The following BBS1 variants were observed in gnomAD, a reference collection of about 807,000 sequenced individuals.
BBS1 encodes the protein BBSome complex member BBS1.
BBS1 carries 60 observed loss-of-function variants against 73.9 expected under a neutral mutation model. The ratio of observed to expected loss-of-function variants is 0.81; its 90% CI spans 0.66 to 1.01. The LOEUF is 1.01. Among genes scored for constraint, BBS1 ranks in the 50% least tolerant of loss-of-function variants. BBS1 has a pLI of 0.00. For missense variants in BBS1, 718 were observed against 770.3 expected (o/e 0.93, Z 0.80); for synonymous variants, 283 against 317.4 (o/e 0.89, Z 1.15).
chr11:66,524,903 A>G (rs936082866), intron 11 of BBS1, among the ~76,000 whole-genome samples: 5 of 152,048 alleles, frequency 3.3e-5, no homozygotes, highest in Admixed American at 2.0e-4. Context: ...AAAAATAAAC[A>G]AATTAGCCGG....
rs1167767003 is a variant in BBS1 at position 66,529,859 on chromosome 11, C to A, written c.1380C>A (p.Arg460=). ...RAFQTDLYLL[R]LRAARAYLQA... ...TCCAGACAGACCTATACCTGCTGCG[C>A]CTACGTGCTGCCCGCGCCTACCTGC... The change falls in exon 14 of 17, where the codon CGC becomes CGA. Residue 460 remains arginine (R), a synonymous_variant. Transcript: ENST00000318312. The A allele has an allele frequency of 2.5e-6, 4 of 1,610,758 alleles. No homozygotes were observed. The African/African-American group carries it at 5.3e-5, about 22-fold the overall frequency.
rs745550835 is a variant in BBS1 at position 66,511,277 on chromosome 11, G to T, written c.159+38G>T. The T allele has an allele frequency of 6.2e-6, 10 of 1,609,470 alleles. No individual in the cohort carries two copies. In the South Asian group the frequency reaches 9.9e-5, roughly 16 times the overall value. ...CCCTAGCCAGGAGAGTTGAGGGTAG[G>T]GGGGTGTACCCAGAAATGAGATTTC... On this transcript the variant is annotated intron_variant, in intron 3 of 16. Coordinates refer to ENST00000318312, the MANE Select transcript of BBS1 (RefSeq NM_024649.5).
intron 7 of BBS1, 147 bp from the exon 8 acceptor site, chr11:66,519,470 C>T (rs1338477527): frequency 8.9e-7 from 1 of 1,121,896 alleles, no homozygotes; most frequent in Non-Finnish European, 1.3e-6. Context: ...TTGCAATAAA[C>T]ACCTTTGTAC....
Position 66,530,889 on chromosome 11 carries a change from C to T in BBS1, c.1474-5C>T, listed in dbSNP as rs1856750557. On this transcript the variant is annotated splice_region_variant and splice_polypyrimidine_tract_variant and intron_variant, in intron 14 of 16. Coordinates refer to ENST00000318312, the MANE Select transcript of BBS1 (RefSeq NM_024649.5). Reference sequence around the variant, plus strand: ...AAGGGCTTTCTCCACCCACCCTCTCCATAGGTTCAGGGCCTTGGCCCCACC... The same window carrying T: ...AAGGGCTTTCTCCACCCACCCTCTCTATAGGTTCAGGGCCTTGGCCCCACC... 6.2e-7 allele frequency: 1 copy of T among 1,614,186 alleles called. No homozygotes were observed. Among genetic ancestry groups the T allele is most frequent in the African/African-American group, 1.3e-5 (1 of 75,042 alleles).
chr11:66,523,706 C>T lies in BBS1; in HGVS notation c.952-18C>T, dbSNP rs781177816. 5 of 1,610,444 alleles carry T rather than the reference C, an allele frequency of 3.1e-6. No individual in the cohort carries two copies. In the South Asian group the frequency reaches 4.4e-5, roughly 14 times the overall value. ...GTAAGCCCTGAGCCCTCCACAGACGCTGGCTGTTCCCTGCCAGGGGAAGAA... is the reference window on the plus strand; with the variant it reads ...GTAAGCCCTGAGCCCTCCACAGACGTTGGCTGTTCCCTGCCAGGGGAAGAA... On this transcript the variant is annotated intron_variant, in intron 10 of 16. Coordinates refer to ENST00000318312, the MANE Select transcript of BBS1 (RefSeq NM_024649.5).
At chr11:66,526,947 C>T (rs966483535) in intron 13 of BBS1, 140 bp downstream of exon 13, 2 of 1,581,762 alleles carry the variant, frequency 1.3e-6, no homozygotes, top group Non-Finnish European at 1.7e-6. Flanking sequence ...TCTGCAAATC[C>T]AGGGACAGCC....
chr11:66,528,051 T>A (rs1367440937), intron 13 of BBS1, among the ~76,000 whole-genome samples: 1 of 151,960 alleles, frequency 6.6e-6, no homozygotes, highest in Non-Finnish European at 1.5e-5. Context: ...GCCAACATGG[T>A]GAAACCCCCT....
intron 7 of BBS1, 67 bp from the exon 8 acceptor site, chr11:66,519,550 C>T: frequency 6.2e-7 from 1 of 1,607,630 alleles, no homozygotes; most frequent in East Asian, 2.2e-5. Flanking sequence ...CCTCATGTGG[C>T]ATTCTGGGAG....
chr11:66,516,393 T>C (rs965455317), intron 7 of BBS1, among the ~76,000 whole-genome samples: 1 of 152,180 alleles, frequency 6.6e-6, no homozygotes, highest in African/African-American at 2.4e-5. Flanking sequence ...CCCAAAGTGC[T>C]CAGATTACAG....
At chr11:66,523,271 C>T in intron 9 of BBS1, 185 bp from the exon 10 acceptor site, 1 of 794,036 alleles carries the variant, frequency 1.3e-6, no homozygotes, top group Non-Finnish European at 2.1e-6. Flanking sequence ...GGGAGGAAGA[C>T]ACACTTGATG....
chr11:66,523,962 G>A (rs1856369431), intron 11 of BBS1, 80 bp downstream of exon 11: 9 of 1,575,364 alleles, frequency 5.7e-6, no homozygotes, highest in Non-Finnish European at 7.8e-6. Context: ...TGCCTCTTCC[G>A]ACCACACATT....
chr11:66,510,826 A>G, intron 1 of BBS1, 120 bp downstream of exon 1: 1 of 1,455,438 alleles, frequency 6.9e-7, no homozygotes, highest in Non-Finnish European at 9.6e-7. Flanking sequence ...GAGGTCAGAT[A>G]GGGAAACCGA....
At chr11:66,531,478 A>G (rs1273560928) in intron 15 of BBS1, among the ~76,000 whole-genome samples, 178 bp from the exon 16 acceptor site, 1 of 152,154 alleles carries the variant, frequency 6.6e-6, no homozygotes, top group Admixed American at 6.5e-5. Context: ...ATCACTCACC[A>G]TGAGGCCCTG....
intron 14 of BBS1, 33 bp from the exon 15 acceptor site, chr11:66,530,861 C>T (rs1237055751): frequency 1.2e-6 from 2 of 1,613,870 alleles, no homozygotes; most frequent in East Asian, 2.2e-5. Context: ...GCTGCCAGGT[C>T]CTAAGGGCTT....
chr11:66,514,819 CTTTT>C, intron 4 of BBS1, 141 bp downstream of exon 4: 1 of 722,092 alleles, frequency 1.4e-6, no homozygotes, highest in Non-Finnish European at 2.2e-6. Context: ...AGTGATGGCA[CTTTT>C]TTTTTTTTTG....
chr11:66,510,986 C>A (rs1178299264), intron 1 of BBS1, 27 bp from the exon 2 acceptor site: 1 of 1,613,400 alleles, frequency 6.2e-7, no homozygotes, highest in East Asian at 2.2e-5. Flanking sequence ...GGGACTCACT[C>A]CCCAACTGTC....
intron 16 of BBS1, 94 bp downstream of exon 16, chr11:66,531,836 G>C (rs1677716720): frequency 1.2e-6 from 2 of 1,607,334 alleles, no homozygotes; most frequent in African/African-American, 2.7e-5. Flanking sequence ...GGGCTCCTGG[G>C]TGGGGGTGGG....
In BBS1 at chr11:66,523,461, C is replaced by T; in HGVS notation, c.836C>T (p.Ser279Phe). 1 of 1,614,122 alleles carries T rather than the reference C, an allele frequency of 6.2e-7. No homozygotes were observed. The highest frequency in any genetic ancestry group is 8.5e-7 in the Non-Finnish European group (1 of 1,180,026). ...GTGTGTTGTTTATTCCACAGAGACT[C>T]CAAGCACCCCAAGTACTGCATCGAG... Reference protein sequence around the residue: ...NGNIYILRRDSKHPKYCIELS... With the variant: ...NGNIYILRRDFKHPKYCIELS... The change falls in exon 10 of 17, where the codon TCC (serine) becomes TTC (phenylalanine). Residue 279 changes from serine (S) to phenylalanine (F), a missense_variant. Transcript: ENST00000318312.
Position 66,522,094 on chromosome 11 carries a change from G to A in BBS1, c.830+718G>A, listed in dbSNP as rs182168241. On this transcript the variant is annotated intron_variant, in intron 9 of 16. Transcript: ENST00000318312. The stretch of plus-strand genomic sequence containing the variant: ...TAGCTGGGCATGGTGGTGGGCGCCT[G>A]TAGTCCCAGCTACTCGGGAGGCTGA... Among the ~76,000 whole-genome samples, 1,312 of 146,198 alleles carry A rather than the reference G, an allele frequency of 9.0e-3. 22 individuals are homozygous for A. The highest frequency in any genetic ancestry group is 0.031 in the African/African-American group (1,225 of 39,624).
Sources: gnomAD v4.1 joint callset for allele counts (sites outside exome capture counted in the v4.1 genomes callset) on GRCh38, gnomAD v4.1.1 for gene constraint, MANE v1.5 for transcripts, NCBI Gene and HGNC (gene_info 2026-07-23, HGNC 2026-07-21) for gene names.